Variants in RPTOR observed in about 807,000 individuals in gnomAD.
RPTOR encodes regulatory-associated protein of mTOR.
Under a neutral mutation model 169.9 loss-of-function variants are expected in RPTOR, and 21 were observed. The ratio of observed to expected loss-of-function variants is 0.12; its 90% confidence interval spans 0.09 to 0.18. The LOEUF is 0.18. Among genes scored for constraint, RPTOR ranks in the 10% least tolerant of loss-of-function variants. The probability of loss-of-function intolerance (pLI) is 1.00; values close to 1 mark genes in which losing one functional copy is unlikely to be tolerated. For missense variants in RPTOR, 1,133 were observed against 1,855.9 expected (o/e 0.61, Z 7.16); for synonymous variants, 732 against 753.2 (o/e 0.97, Z 0.46).
In RPTOR at chr17:80,891,787, A is replaced by G. The variant is rs763165003; in HGVS notation, c.2051A>G (p.Gln684Arg). ...AGCAATTTCTGCACCGTGGCCCTGC[A>G]GTTCATAGAAGAGGAAAAGAACTAC... Reference protein sequence around the residue: ...YESNFCTVALQFIEEEKNYAL... With the variant: ...YESNFCTVALRFIEEEKNYAL... Residue 684 changes from glutamine to arginine, a missense_variant, in exon 18 of 34, where the codon CAG becomes CGG. Coordinates refer to ENST00000306801, the MANE Select transcript of RPTOR (RefSeq NM_020761.3). The G allele has an allele frequency of 6.2e-7, 1 of 1,614,010 alleles. No homozygotes were observed.
intron 21 of RPTOR, among the ~76,000 whole-genome samples, chr17:80,921,803 C>A (rs2068747920): frequency 6.6e-6 from 1 of 152,194 alleles, no homozygotes; most frequent in African/African-American, 2.4e-5. Context: ...TGCTCCCCAC[C>A]CTCCGGGAGC....
At chr17:80,848,221 G>A (rs1598351070) in intron 11 of RPTOR, among the ~76,000 whole-genome samples, 1 of 151,956 alleles carries the variant, frequency 6.6e-6, no homozygotes, top group East Asian at 1.9e-4. Flanking sequence ...AGGCGGGGAA[G>A]GATCACTTGA....
chr17:80,922,908 C>A, intron 22 of RPTOR, 81 bp downstream of exon 22: 2 of 1,144,962 alleles, frequency 1.7e-6, no homozygotes, highest in Non-Finnish European at 2.5e-6. Flanking sequence ...GCCGGCCTCC[C>A]CATCCTCCTC....
chr17:80,556,019 G>GTTT (rs143244019), intron 1 of RPTOR, among the ~76,000 whole-genome samples: 13 of 146,466 alleles, frequency 8.9e-5, no homozygotes, highest in East Asian at 4.0e-4. Context: ...GATCTAAAAA[G>GTTT]TTTTTTGTTT....
intron 3 of RPTOR, among the ~76,000 whole-genome samples, chr17:80,667,119 T>C (rs752019183): frequency 6.6e-6 from 1 of 152,180 alleles, no homozygotes; most frequent in Non-Finnish European, 1.5e-5. Context: ...CCAGTGCTGA[T>C]GGTAGGTTCT....
At chr17:80,800,363 C>T (rs1438182254) in intron 7 of RPTOR, among the ~76,000 whole-genome samples, 1 of 152,182 alleles carries the variant, frequency 6.6e-6, no homozygotes, top group Non-Finnish European at 1.5e-5. Context: ...AATCAAGGCT[C>T]CTCAGGAAAT....
chr17:80,607,789 C>T (rs1164956953), intron 1 of RPTOR, among the ~76,000 whole-genome samples: 2 of 151,978 alleles, frequency 1.3e-5, no homozygotes, highest in Non-Finnish European at 2.9e-5. Flanking sequence ...ACCTGCACCA[C>T]CACCCACATG....
rs138385360 is a variant in RPTOR, at chr17:80,682,394, C to T, written c.349-25447C>T. On this transcript the variant is annotated intron_variant, in intron 3 of 33. Transcript: ENST00000306801. ...GCTGGATTACAGGTGTGAGCCACTG[C>T]ACCCAGCCAGGTTAAGGTTGTTGAG... 8.9e-3 allele frequency among the ~76,000 whole-genome samples: 1,363 copies of T among 152,294 alleles called. 22 individuals are homozygous for T. The highest frequency in any genetic ancestry group is 0.03 in the African/African-American group (1,265 of 41,568).
chr17:80,757,464 C>T (rs2066692113), intron 6 of RPTOR, among the ~76,000 whole-genome samples: 2 of 152,174 alleles, frequency 1.3e-5, no homozygotes, highest in South Asian at 4.1e-4. Flanking sequence ...GCACACGTTA[C>T]AGTGTGCCTA....
chr17:80,569,326 G>C (rs924179095), intron 1 of RPTOR, among the ~76,000 whole-genome samples: 1 of 152,156 alleles, frequency 6.6e-6, no homozygotes, highest in Non-Finnish European at 1.5e-5. Flanking sequence ...TTTACTTGTA[G>C]ATCAGCTGCC....
intron 7 of RPTOR, among the ~76,000 whole-genome samples, chr17:80,818,850 A>G (rs1355730305): frequency 1.3e-5 from 2 of 152,226 alleles, no homozygotes; most frequent in East Asian, 1.9e-4. Context: ...CACTGGTCCT[A>G]TCTGGCCTCC....
At chr17:80,923,813 A>C in intron 23 of RPTOR, 140 bp downstream of exon 23, 1 of 938,946 alleles carries the variant, frequency 1.1e-6, no homozygotes, top group East Asian at 2.7e-5. Context: ...TCTGTGGGCC[A>C]CTCTCTGCCT....
chr17:80,858,072 C>T lies in RPTOR; in HGVS notation c.1509+172C>T, dbSNP rs185630169. ...TGGGACGCGCCCGCCTCGGCAGCCA[C>T]CTCTGGGTCGTGGGGGCTGTCACCT... On this transcript the variant is annotated intron_variant, in intron 13 of 33. Transcript: ENST00000306801. 1,488 of 621,190 alleles carry T rather than the reference C, an allele frequency of 2.4e-3. 24 individuals are homozygous for T. In the African/African-American group the frequency reaches 0.025, roughly 10 times the overall value. The allele number at this position is 621,190 out of a possible 1,614,324, so 38.5% of individuals were successfully genotyped here. A position where few individuals can be genotyped will look rare whatever the true frequency, so the allele number is the denominator to read the frequency against.
chr17:80,836,511 A>G (rs985422420), intron 9 of RPTOR, among the ~76,000 whole-genome samples: 16 of 152,216 alleles, frequency 1.1e-4, no homozygotes, highest in Admixed American at 5.9e-4. Flanking sequence ...TCTCCCTCAC[A>G]GTGTCCTTGT....
chr17:80,702,918 T>C (rs1396203187), intron 3 of RPTOR, among the ~76,000 whole-genome samples: 1 of 152,092 alleles, frequency 6.6e-6, no homozygotes, highest in African/African-American at 2.4e-5. Flanking sequence ...GAGAGTAGAA[T>C]TGAGAAAAAC....
Position 80,754,890 on chromosome 17 carries a change from C to G in RPTOR, c.830+705C>G, listed in dbSNP as rs565627270. 6.6e-6 allele frequency among the ~76,000 whole-genome samples: 1 copy of G among 152,182 alleles called. No individual in the cohort carries two copies. The highest frequency in any genetic ancestry group is 2.4e-5 in the African/African-American group (1 of 41,434). On this transcript the variant is annotated intron_variant, in intron 6 of 33. Transcript: ENST00000306801. The surrounding 1 kb of genome is among the most constrained non-coding windows in gnomAD (Gnocchi z 4.2). ...GATAAATACCTCTCCCTTGAGGTGCCGTGCGAATGGTGCAGCTGTGCAGCA... is the reference window on the plus strand; with the variant it reads ...GATAAATACCTCTCCCTTGAGGTGCGGTGCGAATGGTGCAGCTGTGCAGCA...
At chr17:80,759,861 A>G (rs552510341) in intron 6 of RPTOR, among the ~76,000 whole-genome samples, 1 of 152,348 alleles carries the variant, frequency 6.6e-6, no homozygotes, top group African/African-American at 2.4e-5. Flanking sequence ...AGATTTTACC[A>G]TCTAAGGACA....
At chr17:80,883,167 C>T (rs113544443) in intron 14 of RPTOR, among the ~76,000 whole-genome samples, 36 of 152,318 alleles carry the variant, frequency 2.4e-4, no homozygotes, top group African/African-American at 7.9e-4. Context: ...AGGTCTGTGC[C>T]CGTCTTGCAG....
At chr17:80,742,943 T>C (rs1567886455) in intron 5 of RPTOR, among the ~76,000 whole-genome samples, 1 of 150,840 alleles carries the variant, frequency 6.6e-6, no homozygotes, top group African/African-American at 2.4e-5. Flanking sequence ...CACTCACCTA[T>C]ACACACACAC....
Sources: allele counts gnomAD v4.1 joint callset (sites outside exome capture counted in the v4.1 genomes callset), GRCh38; gene constraint gnomAD v4.1.1; non-coding constraint Gnocchi (gnomAD v3.1); transcripts MANE v1.5; gene names NCBI Gene and HGNC (gene_info 2026-07-23, HGNC 2026-07-21).